The following ADARB1 variants were observed in gnomAD, a reference collection of about 807,000 sequenced individuals.
The protein encoded by ADARB1 is double-stranded RNA-specific editase 1.
In ADARB1, 10 loss-of-function variants were observed where a neutral mutation model predicts 52.4. The ratio of observed to expected loss-of-function variants is 0.19; its 90% CI spans 0.12 to 0.32. ADARB1 has a LOEUF of 0.32. Among genes scored for constraint, ADARB1 ranks in the 10% least tolerant of loss-of-function variants. The pLI is 1.00. For synonymous variants in ADARB1, 349 were observed against 371.1 expected, an observed-to-expected ratio of 0.94 and a Z score of 0.68; for missense variants, 643 against 922.3, an observed-to-expected ratio of 0.70 and a Z score of 3.92.
chr21:45,086,559 G>C (rs2086353150), intron 1 of ADARB1, among the ~76,000 whole-genome samples: 1 of 152,236 alleles, frequency 6.6e-6, no homozygotes, highest in African/African-American at 2.4e-5. Context: ...GTGCCTTGCA[G>C]ATATTTCATG....
chr21:45,130,179 A>G (rs2088843435), intron 2 of ADARB1, among the ~76,000 whole-genome samples: 1 of 152,240 alleles, frequency 6.6e-6, no homozygotes, highest in Non-Finnish European at 1.5e-5. Context: ...TTGCTAAGTT[A>G]AGTGTCGATT....
chr21:45,129,098 G>A (rs937521669), intron 2 of ADARB1, among the ~76,000 whole-genome samples: 1 of 152,024 alleles, frequency 6.6e-6, no homozygotes, highest in Non-Finnish European at 1.5e-5. Context: ...AGGTGTGATG[G>A]TGCACGCTTG....
chr21:45,118,980 T>G (rs1219878370), intron 1 of ADARB1, among the ~76,000 whole-genome samples: 2 of 152,216 alleles, frequency 1.3e-5, no homozygotes, highest in African/African-American at 4.8e-5. Flanking sequence ...CCGTGCACTA[T>G]TATGGTTCAT....
chr21:45,170,273 C>T (rs144613535), intron 2 of ADARB1, among the ~76,000 whole-genome samples: 1 of 152,294 alleles, frequency 6.6e-6, no homozygotes, highest in East Asian at 1.9e-4. Flanking sequence ...CATTTCTACA[C>T]CTAAAATAAT....
intron 2 of ADARB1, among the ~76,000 whole-genome samples, chr21:45,135,715 C>T (rs974978556): frequency 1.3e-5 from 2 of 152,218 alleles, no homozygotes; most frequent in Admixed American, 1.3e-4. Context: ...AGTCTGCCAT[C>T]CACATTTCGA....
chr21:45,125,816 T>G (rs138790391), intron 1 of ADARB1, among the ~76,000 whole-genome samples: 1 of 152,260 alleles, frequency 6.6e-6, no homozygotes, highest in African/African-American at 2.4e-5. Flanking sequence ...CCTGCCGTTA[T>G]ATGTAATTAA....
At position 45,220,057 on chromosome 21, in the gene ADARB1, C is replaced by G. The variant is rs538195659; in HGVS notation, c.1748-779C>G. On this transcript the variant is annotated intron_variant, in intron 9 of 10. Transcript: ENST00000348831. The surrounding 1 kb of genome is among the most constrained non-coding windows in gnomAD (Gnocchi z 6.3). ...GTCTTTGTAAAAGCTATTTTTATCT[C>G]CTGTTTGATGTTTGTTCTTGCTTCA... Among the ~76,000 whole-genome samples the G allele has an allele frequency of 6.9e-6, 1 of 144,126 alleles. No homozygotes were observed. The highest frequency in any genetic ancestry group is 1.5e-5 in the Non-Finnish European group (1 of 66,140). The allele number at this position is 144,126 out of a possible 152,430, so 94.6% of individuals were successfully genotyped here.
At chr21:45,171,919 G>C (rs753954307) in intron 3 of ADARB1, among the ~76,000 whole-genome samples, 1 of 152,136 alleles carries the variant, frequency 6.6e-6, no homozygotes, top group Non-Finnish European at 1.5e-5. Flanking sequence ...GTGCCCCGTG[G>C]AATGGGCTTC....
intron 2 of ADARB1, among the ~76,000 whole-genome samples, chr21:45,135,078 A>T (rs2089286688): frequency 6.6e-6 from 1 of 152,214 alleles, no homozygotes; most frequent in South Asian, 2.1e-4. Context: ...TGCAACAGAG[A>T]CCATAAGTGG....
chr21:45,080,828 A>G (rs952617082), intron 1 of ADARB1, among the ~76,000 whole-genome samples: 1 of 151,976 alleles, frequency 6.6e-6, no homozygotes, highest in Non-Finnish European at 1.5e-5. Flanking sequence ...TCCCTCACCA[A>G]CCCTACCCCC....
Position 45,223,604 on chromosome 21 carries a change from G to C in ADARB1, c.*1407G>C. On this transcript the variant is annotated 3_prime_UTR_variant, in exon 11 of 11. Coordinates refer to ENST00000348831, the MANE Select transcript of ADARB1 (RefSeq NM_001112.4). Reference sequence around the variant, plus strand: ...TGGGTCTCCTGGGGCCATGGGGAGAGATTGGTGCAGACCTTACCCCACAGC... The same window carrying C: ...TGGGTCTCCTGGGGCCATGGGGAGACATTGGTGCAGACCTTACCCCACAGC... The C allele has an allele frequency of 1.0e-6, 1 of 985,748 alleles. No homozygotes were observed. Among genetic ancestry groups the C allele is most frequent in the Non-Finnish European group, 1.2e-6 (1 of 830,200 alleles). The allele number at this position is 985,748 out of a possible 1,614,324, so 61.1% of individuals were successfully genotyped here. A position where few individuals can be genotyped will look rare whatever the true frequency, so the allele number is the denominator to read the frequency against.
chr21:45,085,261 G>A (rs1385126198), intron 1 of ADARB1, among the ~76,000 whole-genome samples: 1 of 152,174 alleles, frequency 6.6e-6, no homozygotes, highest in Non-Finnish European at 1.5e-5. Flanking sequence ...TCTGGCTTTT[G>A]TCTTAGGGAT....
chr21:45,088,877 A>G (rs1424427125), intron 1 of ADARB1, among the ~76,000 whole-genome samples: 1 of 152,192 alleles, frequency 6.6e-6, no homozygotes, highest in Admixed American at 6.5e-5. Context: ...CCACAAATGC[A>G]CAATCACAGT....
At chr21:45,108,016 G>GT (rs1342991477) in intron 1 of ADARB1, among the ~76,000 whole-genome samples, 2 of 152,076 alleles carry the variant, frequency 1.3e-5, no homozygotes, top group African/African-American at 2.4e-5. Flanking sequence ...AGCCATGATG[G>GT]TGCCACTCCA....
chr21:45,163,305 A>G (rs541230424), intron 2 of ADARB1, among the ~76,000 whole-genome samples: 2 of 152,340 alleles, frequency 1.3e-5, no homozygotes, highest in South Asian at 2.1e-4. Flanking sequence ...GCAACAGGGC[A>G]CAGGTAACAT....
chr21:45,119,748 A>G (rs1324366114), intron 1 of ADARB1, among the ~76,000 whole-genome samples: 1 of 152,216 alleles, frequency 6.6e-6, no homozygotes, highest in South Asian at 2.1e-4. Context: ...AAAGACGGAG[A>G]TGACTTAGGG....
intron 2 of ADARB1, among the ~76,000 whole-genome samples, chr21:45,133,066 C>G (rs2089055897): frequency 6.6e-6 from 1 of 152,240 alleles, no homozygotes; most frequent in Admixed American, 6.5e-5. Flanking sequence ...CTTCTGGGCG[C>G]AAAGCCCTGG....
At chr21:45,198,522 T>TAC (rs139768691) in intron 8 of ADARB1, among the ~76,000 whole-genome samples, 4 of 148,528 alleles carry the variant, frequency 2.7e-5, no homozygotes, top group Non-Finnish European at 6.0e-5. Flanking sequence ...CACACACACA[T>TAC]ACACACACAC....
At chr21:45,161,508 A>C (rs1379008001) in intron 2 of ADARB1, among the ~76,000 whole-genome samples, 1 of 152,092 alleles carries the variant, frequency 6.6e-6, no homozygotes, top group Non-Finnish European at 1.5e-5. Flanking sequence ...CTGCCTCGGC[A>C]CCCCCAGACT....
Sources: gnomAD v4.1 joint callset for allele counts (sites outside exome capture counted in the v4.1 genomes callset) on GRCh38, gnomAD v4.1.1 for gene constraint, Gnocchi (gnomAD v3.1) non-coding constraint, MANE v1.5 for transcripts, NCBI Gene and HGNC (gene_info 2026-07-23, HGNC 2026-07-21) for gene names.